MAGI1: variants seen among roughly 807,000 people sequenced by gnomAD.
MAGI1 encodes the protein membrane-associated guanylate kinase, WW and PDZ domain-containing protein 1.
In MAGI1, 58 loss-of-function variants were observed where a neutral mutation model predicts 139.9. That is an observed-to-expected ratio of 0.41 (90% CI 0.34 to 0.52). MAGI1 has a LOEUF of 0.52. Among genes scored for constraint, MAGI1 ranks in the 20% least tolerant of loss-of-function variants. MAGI1 has a pLI of 0.12. For missense variants in MAGI1, 1,874 were observed against 1,901.6 expected, an observed-to-expected ratio of 0.99 and a Z score of 0.27; for synonymous variants, 812 against 737.9, an observed-to-expected ratio of 1.10 and a Z score of -1.63.
intron 2 of MAGI1, among the ~76,000 whole-genome samples, chr3:65,523,315 C>T (rs1227367332): frequency 6.6e-6 from 1 of 151,936 alleles, no homozygotes; most frequent in Non-Finnish European, 1.5e-5. Flanking sequence ...GTTTACACAA[C>T]TGTGAAAGTT....
intron 1 of MAGI1, among the ~76,000 whole-genome samples, chr3:65,745,000 T>A (rs920003694): frequency 8.5e-5 from 13 of 152,222 alleles, no homozygotes; most frequent in Middle Eastern, 3.4e-3. Flanking sequence ...CTAGTCTCCA[T>A]CCTGTCTCTC....
intron 1 of MAGI1, among the ~76,000 whole-genome samples, chr3:66,012,866 A>G (rs2067402673): frequency 6.6e-6 from 1 of 152,054 alleles, no homozygotes; most frequent in Non-Finnish European, 1.5e-5. Flanking sequence ...GTAAATCTGA[A>G]TCACTGCTAT....
chr3:65,859,728 C>CA (rs113269901), intron 1 of MAGI1, among the ~76,000 whole-genome samples: 522 of 138,216 alleles, frequency 3.8e-3, no homozygotes, highest in South Asian at 8.1e-3. Flanking sequence ...CTCAAAAAAA[C>CA]AAAAAAAAAA....
intron 1 of MAGI1, among the ~76,000 whole-genome samples, chr3:65,857,563 C>G (rs2059413109): frequency 6.6e-6 from 1 of 152,174 alleles, no homozygotes; most frequent in East Asian, 1.9e-4. Context: ...GCTAATCGCT[C>G]AGGCTGCCTT....
At chr3:65,669,780 A>T (rs555893887) in intron 1 of MAGI1, among the ~76,000 whole-genome samples, 1 of 152,284 alleles carries the variant, frequency 6.6e-6, no homozygotes, top group South Asian at 2.1e-4. Context: ...TATCCAGTGG[A>T]AAGTTTGCTC....
intron 2 of MAGI1, among the ~76,000 whole-genome samples, chr3:65,496,208 ATT>A (rs34556532): frequency 6.8e-6 from 1 of 146,900 alleles, no homozygotes; most frequent in Non-Finnish European, 1.5e-5. Flanking sequence ...CACCCAGCTA[ATT>A]TTTTTTTTTT....
intron 1 of MAGI1, among the ~76,000 whole-genome samples, chr3:65,770,409 T>A (rs2037852909): frequency 6.6e-6 from 1 of 152,210 alleles, no homozygotes; most frequent in South Asian, 2.1e-4. Context: ...CCATCCATCC[T>A]GCCACGTGCA....
chr3:65,610,953 T>C (rs2083053550), intron 2 of MAGI1, among the ~76,000 whole-genome samples: 1 of 133,696 alleles, frequency 7.5e-6, no homozygotes, highest in Non-Finnish European at 1.6e-5. Flanking sequence ...AGATAGTATA[T>C]ACTATATAGT....
chr3:65,647,181 A>C (rs1271216536), intron 1 of MAGI1, among the ~76,000 whole-genome samples: 1 of 152,156 alleles, frequency 6.6e-6, no homozygotes, highest in East Asian at 1.9e-4. Context: ...AAGCAAACAA[A>C]GGATATCACT....
chr3:65,689,560 A>C (rs1207510223), intron 1 of MAGI1, among the ~76,000 whole-genome samples: 2 of 152,258 alleles, frequency 1.3e-5, no homozygotes, highest in Non-Finnish European at 2.9e-5. Context: ...TCACAGTGAC[A>C]CCAAGGCAAA....
At position 65,620,086 on chromosome 3, in the gene MAGI1, G is replaced by A. The variant is rs565597408; in HGVS notation, c.430+1886C>T. Reference sequence around the variant, plus strand: ...CAATAAATCAGTGGAAAAAATAAATGGGAGAGCATGCCAAAATGTAACCAT... The same window carrying A: ...CAATAAATCAGTGGAAAAAATAAATAGGAGAGCATGCCAAAATGTAACCAT... On this transcript the variant is annotated intron_variant, in intron 2 of 22. Coordinates refer to ENST00000402939, the MANE Select transcript of MAGI1 (RefSeq NM_001033057.2). 2.7e-4 allele frequency: 177 copies of A among 645,774 alleles called. 1 individual carries two copies. In the African/African-American group the frequency reaches 3.2e-3, roughly 12 times the overall value. 40.0% of individuals were successfully genotyped at this position (645,774 alleles called of 1,614,324 possible). A position where few individuals can be genotyped will look rare whatever the true frequency, so the allele number is the denominator to read the frequency against.
chr3:65,477,711 A>ATTATTATTATTATTATTT (rs376492339), intron 4 of MAGI1, among the ~76,000 whole-genome samples: 1 of 141,612 alleles, frequency 7.1e-6, no homozygotes, highest in African/African-American at 2.6e-5. Context: ...TATTATTATT[A>ATTATTATTATTATTATTT]TTTTTTTTTT....
intron 1 of MAGI1, among the ~76,000 whole-genome samples, chr3:65,776,518 C>T (rs548134779): frequency 3.3e-5 from 5 of 152,154 alleles, no homozygotes; most frequent in African/African-American, 9.7e-5. Context: ...TTTGTACAGG[C>T]TGATTTCTAA....
chr3:65,779,678 C>T (rs1031370431), intron 1 of MAGI1, among the ~76,000 whole-genome samples: 1 of 152,188 alleles, frequency 6.6e-6, no homozygotes, highest in Admixed American at 6.5e-5. Flanking sequence ...TCTCCTGTGG[C>T]AACACAAGGC....
At chr3:65,609,059 A>T (rs1270363454) in intron 2 of MAGI1, among the ~76,000 whole-genome samples, 2 of 152,210 alleles carry the variant, frequency 1.3e-5, no homozygotes, top group Non-Finnish European at 2.9e-5. Flanking sequence ...GGGTGATAGC[A>T]TCAGAATCGT....
chr3:65,670,250 A>AT (rs1483829599), intron 1 of MAGI1, among the ~76,000 whole-genome samples: 2 of 151,980 alleles, frequency 1.3e-5, no homozygotes, highest in African/African-American at 4.8e-5. Flanking sequence ...GTTGTATCCT[A>AT]TTGTGTACTT....
intron 1 of MAGI1, among the ~76,000 whole-genome samples, chr3:65,946,938 T>A (rs1439136107): frequency 1.3e-5 from 2 of 152,196 alleles, no homozygotes; most frequent in African/African-American, 4.8e-5. Flanking sequence ...GACAAAATCA[T>A]GAAAGCTAAG....
chr3:66,012,766 A>AG (rs59444517), intron 1 of MAGI1, among the ~76,000 whole-genome samples: 3 of 47,976 alleles, frequency 6.3e-5, no homozygotes, highest in Non-Finnish European at 1.8e-4. Flanking sequence ...ACTCCATCTC[A>AG]AAAAAAAAAA....
chr3:65,798,122 G>A, intron 1 of MAGI1, among the ~76,000 whole-genome samples: 1 of 152,056 alleles, frequency 6.6e-6, no homozygotes, highest in East Asian at 1.9e-4. Flanking sequence ...TGGCCAACAT[G>A]GTGAAACCCT....
Sources: gnomAD v4.1 joint callset for allele counts (sites outside exome capture counted in the v4.1 genomes callset) on GRCh38, gnomAD v4.1.1 for gene constraint, MANE v1.5 for transcripts, NCBI Gene and HGNC (gene_info 2026-07-23, HGNC 2026-07-21) for gene names.